The following OXR1 variants were observed in gnomAD, a reference collection of about 807,000 sequenced individuals.
OXR1 encodes the protein oxidation resistance 1, also known as oxidation resistance protein 1.
OXR1 carries 41 observed loss-of-function variants against 104.6 expected under a neutral mutation model. That is an observed-to-expected ratio of 0.39 (90% CI 0.31 to 0.51). The LOEUF is 0.51. Ranked by LOEUF, OXR1 falls within the 20% of genes least tolerant of loss-of-function variation. The pLI is 0.77. For synonymous variants in OXR1, 348 were observed against 348.4 expected, an observed-to-expected ratio of 1.00 and a Z score of 0.01; for missense variants, 955 against 1,031.9, an observed-to-expected ratio of 0.93 and a Z score of 1.02.
intron 3 of OXR1, among the ~76,000 whole-genome samples, chr8:106,561,286 G>C (rs766002194): frequency 7.9e-4 from 120 of 151,792 alleles, no homozygotes; most frequent in Non-Finnish European, 1.4e-3. Context: ...GGAGCTTGGT[G>C]GGGGGAGGGG....
chr8:106,312,666 A>G (rs139498768), intron 1 of OXR1, among the ~76,000 whole-genome samples: 125 of 152,340 alleles, frequency 8.2e-4, no homozygotes, highest in African/African-American at 2.7e-3. Flanking sequence ...TTGCACCTAT[A>G]TGAATTAAGT....
intron 2 of OXR1, among the ~76,000 whole-genome samples, chr8:106,427,028 G>A (rs192200826): frequency 1.8e-4 from 27 of 152,132 alleles, no homozygotes; most frequent in South Asian, 2.1e-4. Flanking sequence ...TCATGGCTGC[G>A]CGTTTTGTAT....
intron 2 of OXR1, among the ~76,000 whole-genome samples, chr8:106,471,423 C>T (rs146487633): frequency 4.5e-4 from 68 of 151,868 alleles, no homozygotes; most frequent in Admixed American, 4.0e-3. Flanking sequence ...GCCCAGCAGG[C>T]AAGATGGTTG....
rs116931542 is a variant in OXR1 at position 106,460,443 on chromosome 8, C to T, written c.24-58500C>T. Among the ~76,000 whole-genome samples, 672 of 152,230 alleles carry T rather than the reference C, an allele frequency of 4.4e-3. 8 individuals are homozygous for T. Among genetic ancestry groups the T allele is most frequent in the Non-Finnish European group, 4.7e-3 (322 of 68,006 alleles). On this transcript the variant is annotated intron_variant, in intron 2 of 16. Coordinates refer to ENST00000517566, the MANE Select transcript of OXR1 (RefSeq NM_001198533.2). ...TGTGGATTCTAATGAGACACAAAGA[C>T]CTGTGTTCTACTTCCTACTATTCCA...
At chr8:106,303,248 CT>C (rs1164596413) in intron 1 of OXR1, among the ~76,000 whole-genome samples, 1,453 of 92,316 alleles carry the variant, frequency 0.016, 5 homozygotes, top group South Asian at 0.047. Context: ...TTTTTTCTTT[CT>C]TTTTTTTTTT....
Position 106,740,512 on chromosome 8 carries a change from G to A in OXR1, c.2316+17G>A. The A allele has an allele frequency of 6.3e-7, 1 of 1,594,250 alleles. No homozygotes were observed. The highest frequency in any genetic ancestry group is 8.6e-7 in the Non-Finnish European group (1 of 1,169,108). ...GATGGACAGGTATGAAACACCAACT[G>A]CATAGATTGCTTATCCTTTAAGAGC... is the stretch of plus-strand genomic sequence containing the variant. On this transcript the variant is annotated intron_variant, in intron 14 of 16. Coordinates refer to ENST00000517566, the MANE Select transcript of OXR1 (RefSeq NM_001198533.2).
chr8:106,491,745 A>G (rs947893654), intron 2 of OXR1, among the ~76,000 whole-genome samples: 2 of 152,130 alleles, frequency 1.3e-5, no homozygotes, highest in Non-Finnish European at 2.9e-5. Flanking sequence ...ACTTCTGGCA[A>G]TTGTGTCAAC....
At chr8:106,456,003 T>C (rs755835175) in intron 2 of OXR1, among the ~76,000 whole-genome samples, 1 of 152,240 alleles carries the variant, frequency 6.6e-6, no homozygotes, top group Non-Finnish European at 1.5e-5. Flanking sequence ...GTAAACTTAA[T>C]GACATTTCAC....
chr8:106,493,996 A>G (rs1292232623), intron 2 of OXR1, among the ~76,000 whole-genome samples: 2 of 152,228 alleles, frequency 1.3e-5, no homozygotes, highest in Non-Finnish European at 2.9e-5. Flanking sequence ...GGAGATGATG[A>G]TACCTACCTT....
At chr8:106,303,644 A>T (rs1472566923) in intron 1 of OXR1, among the ~76,000 whole-genome samples, 1 of 152,214 alleles carries the variant, frequency 6.6e-6, no homozygotes, top group Non-Finnish European at 1.5e-5. Context: ...CGTTTATGGT[A>T]CACATGCTCA....
At chr8:106,452,033 C>T (rs2130619075) in intron 2 of OXR1, among the ~76,000 whole-genome samples, 1 of 152,202 alleles carries the variant, frequency 6.6e-6, no homozygotes, top group South Asian at 2.1e-4. Context: ...AGTTTGGGGT[C>T]CCAGAGGCTA....
At chr8:106,594,799 C>T (rs1435236089) in intron 3 of OXR1, among the ~76,000 whole-genome samples, 16 of 152,198 alleles carry the variant, frequency 1.1e-4, no homozygotes, top group Admixed American at 9.8e-4. Context: ...CAGAGCCGGG[C>T]TCTCCTCCCT....
At chr8:106,306,169 A>T (rs1813457223) in intron 1 of OXR1, among the ~76,000 whole-genome samples, 1 of 152,112 alleles carries the variant, frequency 6.6e-6, no homozygotes, top group South Asian at 2.1e-4. Context: ...ACATCTAAGG[A>T]ATAATTTTCC....
intron 3 of OXR1, among the ~76,000 whole-genome samples, chr8:106,593,586 G>A (rs1819276720): frequency 2.0e-5 from 3 of 152,124 alleles, no homozygotes; most frequent in South Asian, 4.2e-4. Flanking sequence ...AGACCATCCT[G>A]GCTAACACGG....
chr8:106,462,279 A>G (rs1199390542), intron 2 of OXR1, among the ~76,000 whole-genome samples: 3 of 152,214 alleles, frequency 2.0e-5, no homozygotes, highest in Non-Finnish European at 4.4e-5. Context: ...ATTAAACTTT[A>G]AAAGTTACAA....
At chr8:106,487,271 G>A (rs1167698060) in intron 2 of OXR1, among the ~76,000 whole-genome samples, 4 of 150,434 alleles carry the variant, frequency 2.7e-5, no homozygotes, top group South Asian at 2.1e-4. Context: ...TGATCTGCCC[G>A]CCTCGGCCTC....
rs1387479350 is a variant in OXR1 at position 106,339,530 on chromosome 8, A to G, written c.-138-19946A>G. Among the ~76,000 whole-genome samples the G allele has an allele frequency of 5.7e-3, 276 of 48,522 alleles. 17 individuals carry two copies. The highest frequency in any genetic ancestry group is 0.022 in the African/African-American group (141 of 6,320). The allele number at this position is 48,522 out of a possible 152,430, so 31.8% of individuals were successfully genotyped here. Reference sequence around the variant, plus strand: ...AAAAAAAAAAAAAAAATATATATATATATATATATATATATATATATATAT... The same window carrying G: ...AAAAAAAAAAAAAAAATATATATATGTATATATATATATATATATATATAT... On this transcript the variant is annotated intron_variant, in intron 1 of 16. Transcript: ENST00000517566.
At position 106,591,440 on chromosome 8, in the gene OXR1, A is replaced by G. The variant is rs564428895; in HGVS notation, c.220+72301A>G. ...GCACATGTACCCTAAAACTTAAAGT[A>G]TAATTAAAAAAAAAAAGAACTAAGT... On this transcript the variant is annotated intron_variant, in intron 3 of 16. Transcript: ENST00000517566. Among the ~76,000 whole-genome samples, 694 of 101,912 alleles carry G rather than the reference A, an allele frequency of 6.8e-3. 5 individuals are homozygous for G. The highest frequency in any genetic ancestry group is 0.017 in the African/African-American group (307 of 18,580). 66.9% of individuals were successfully genotyped at this position (101,912 alleles called of 152,430 possible).
At chr8:106,595,450 TG>T (rs1443209221) in intron 3 of OXR1, among the ~76,000 whole-genome samples, 1 of 147,620 alleles carries the variant, frequency 6.8e-6, no homozygotes, top group Non-Finnish European at 1.5e-5. Flanking sequence ...CCCATGAGGC[TG>T]AGGCAGGAGA....
Sources: allele counts gnomAD v4.1 joint callset (sites outside exome capture counted in the v4.1 genomes callset), GRCh38; gene constraint gnomAD v4.1.1; transcripts MANE v1.5; gene names NCBI Gene and HGNC (gene_info 2026-07-23, HGNC 2026-07-21).